The following NME9 variants were observed in gnomAD, a reference collection of about 807,000 sequenced individuals.
NME9 encodes the protein thioredoxin domain-containing protein 6.
A neutral mutation model predicts 44.4 loss-of-function variants in NME9; 48 were observed. The ratio of observed to expected loss-of-function variants is 1.08; its 90% CI spans 0.86 to 1.37. The LOEUF is 1.37. Ranked by LOEUF, NME9 falls within the 40% of genes most tolerant of loss-of-function variation. NME9 has a pLI of 0.00. For missense variants in NME9, 325 were observed against 405.2 expected, an observed-to-expected ratio of 0.80 and a Z score of 1.70; for synonymous variants, 139 against 147.1, an observed-to-expected ratio of 0.94 and a Z score of 0.40.
At chr3:138,272,364 T>C (rs1448451768) in intron 8 of NME9, among the ~76,000 whole-genome samples, 1 of 152,160 alleles carries the variant, frequency 6.6e-6, no homozygotes, top group African/African-American at 2.4e-5. Context: ...CATAAAGATA[T>C]TCTCAAAAGT....
intron 8 of NME9, chr3:138,267,209 A>G: frequency 3.8e-6 from 6 of 1,580,332 alleles, no homozygotes; most frequent in Non-Finnish European, 5.2e-6. Flanking sequence ...CATGCTGTGT[A>G]ATCTTCTTCT....
Position 138,315,512 on chromosome 3 carries a change from G to A in NME9, c.384+15C>T. 6.6e-7 allele frequency: 1 copy of A among 1,516,974 alleles called. No individual in the cohort carries two copies. Among genetic ancestry groups the A allele is most frequent in the Non-Finnish European group, 8.9e-7 (1 of 1,129,480 alleles). The allele number at this position is 1,516,974 out of a possible 1,614,324, so 94.0% of individuals were successfully genotyped here. Reference sequence around the variant, plus strand: ...ACTTGTGAGTTAGCTGCTTATAGAAGTGACCTCCAGTTACCACTTTCCGTT... The same window carrying A: ...ACTTGTGAGTTAGCTGCTTATAGAAATGACCTCCAGTTACCACTTTCCGTT... On this transcript the variant is annotated intron_variant, in intron 5 of 10. Coordinates refer to ENST00000333911, the MANE Select transcript of NME9 (RefSeq NM_001349018.2).
chr3:138,294,287 C>T (rs1343224801), intron 8 of NME9, among the ~76,000 whole-genome samples: 8 of 152,298 alleles, frequency 5.3e-5, no homozygotes, highest in Non-Finnish European at 1.5e-5. Flanking sequence ...GCTAACCAGC[C>T]CTCTCCACCC....
intron 8 of NME9, chr3:138,263,775 A>T: frequency 1.2e-6 from 2 of 1,614,018 alleles, no homozygotes; most frequent in African/African-American, 2.7e-5. Context: ...CCGAATTGTG[A>T]CTGGCTTGTC....
rs987175128 is a variant in NME9 at position 138,262,642 on chromosome 3, A to C, written c.746-56T>G. 6 of 1,497,232 alleles carry C rather than the reference A, an allele frequency of 4.0e-6. No homozygotes were observed. In the African/African-American group the frequency reaches 8.5e-5, roughly 21 times the overall value. 92.7% of individuals were successfully genotyped at this position (1,497,232 alleles called of 1,614,324 possible). ...AGGTGCCTAGCCCTGACCCTGGAGA[A>C]TCTAATTTAATTGGTCTGCTGTATG... On this transcript the variant is annotated intron_variant, in intron 8 of 8. Coordinates refer to the NME9 transcript ENST00000317876.
At chr3:138,292,835 G>A (rs2051098187) in intron 8 of NME9, among the ~76,000 whole-genome samples, 4 of 152,220 alleles carry the variant, frequency 2.6e-5, no homozygotes, top group Admixed American at 2.6e-4. Context: ...AAGATCTAGA[G>A]TCCCTCCAGC....
At chr3:138,312,900 A>G (rs916631338) in intron 6 of NME9, among the ~76,000 whole-genome samples, 20 of 152,236 alleles carry the variant, frequency 1.3e-4, no homozygotes, top group Non-Finnish European at 2.6e-4. Context: ...AGCTCAAACA[A>G]CTTAAAAGCA....
chr3:138,293,087 A>G (rs2051127015), intron 8 of NME9, among the ~76,000 whole-genome samples: 1 of 152,174 alleles, frequency 6.6e-6, no homozygotes, highest in Non-Finnish European at 1.5e-5. Context: ...TAGCATCTGT[A>G]GAACACGTCA....
At chr3:138,308,003 G>A (rs577027508) in intron 6 of NME9, among the ~76,000 whole-genome samples, 1 of 152,180 alleles carries the variant, frequency 6.6e-6, no homozygotes, top group South Asian at 2.1e-4. Flanking sequence ...AGGTGGCCTA[G>A]AGTGTGGACA....
At chr3:138,322,042 A>C (rs921977796) in intron 2 of NME9, among the ~76,000 whole-genome samples, 1 of 151,978 alleles carries the variant, frequency 6.6e-6, no homozygotes, top group African/African-American at 2.4e-5. Context: ...GGCTTTTCTG[A>C]AGACAAGAGT....
In NME9 at chr3:138,301,618, C is replaced by T; in HGVS notation, c.*22G>A. 1 of 1,536,078 alleles carries T rather than the reference C, an allele frequency of 6.5e-7. No homozygotes were observed. The highest frequency in any genetic ancestry group is 1.7e-4 in the Middle Eastern group (1 of 5,990). ...TGCAGTAGACCCCTGGTCACGTGCT[C>T]TGGAAGAGCAGCACAGCCATCTCAA... On this transcript the variant is annotated 3_prime_UTR_variant, in exon 11 of 11. Transcript: ENST00000333911.
At chr3:138,295,793 AC>A in intron 8 of NME9, 2 of 1,565,656 alleles carry the variant, frequency 1.3e-6, no homozygotes, top group Non-Finnish European at 1.8e-6. Flanking sequence ...TCATCATTGA[AC>A]CATAGGGTTT....
rs145695620 is a variant in NME9, at chr3:138,262,362, G to A, written c.*178C>T. 4,615 of 718,448 alleles carry A rather than the reference G, an allele frequency of 6.4e-3. 18 individuals carry two copies. Among genetic ancestry groups the A allele is most frequent in the Non-Finnish European group, 8.8e-3 (3,886 of 443,382 alleles). The allele number at this position is 718,448 out of a possible 1,614,324, so 44.5% of individuals were successfully genotyped here. The stretch of plus-strand genomic sequence containing the variant: ...AAATGTTTTGGAAACTAAAACACCA[G>A]ATAAAAATTACCATTCCTAATCTAC... On this transcript the variant is annotated 3_prime_UTR_variant, in exon 9 of 9. Coordinates refer to the NME9 transcript ENST00000317876.
exon 9 of NME9, chr3:138,262,373 C>T: frequency 2.6e-6 from 2 of 761,518 alleles, no homozygotes; most frequent in Admixed American, 2.5e-5. Flanking sequence ...ATAAAAATTA[C>T]CATTCCTAAT....
chr3:138,295,792 A>G, intron 8 of NME9: 1 of 1,564,056 alleles, frequency 6.4e-7, no homozygotes, highest in Non-Finnish European at 8.8e-7. Flanking sequence ...ATCATCATTG[A>G]ACCATAGGGT....
At chr3:138,268,210 T>C (rs1422356963) in intron 8 of NME9, among the ~76,000 whole-genome samples, 1 of 152,098 alleles carries the variant, frequency 6.6e-6, no homozygotes, top group Non-Finnish European at 1.5e-5. Context: ...GCCACTGCAC[T>C]GCAGCCTGGG....
rs776909928 is a variant in NME9 at position 138,303,548 on chromosome 3, G to A, written c.887C>T (p.Pro296Leu). 2.5e-6 allele frequency: 4 copies of A among 1,613,490 alleles called. No individual in the cohort carries two copies. In the South Asian group the frequency reaches 3.3e-5, roughly 13 times the overall value. Residue 296 changes from proline (P) to leucine (L), a missense_variant, in exon 10 of 11, where the codon CCC becomes CTC. Transcript: ENST00000333911. ...DADRELALLF[P>L]SLKFSDKDTE... ...ATCTTTGTCTGAAAATTTCAAACTG[G>A]GGAAGAGCAATGCCAGTTCTCTGTC...
chr3:138,288,798 C>A (rs530940847), intron 8 of NME9, among the ~76,000 whole-genome samples: 1 of 152,010 alleles, frequency 6.6e-6, no homozygotes, highest in Admixed American at 6.5e-5. Flanking sequence ...CCACTACACC[C>A]GGCAAATTTT....
Position 138,329,691 on chromosome 3 carries a change from G to T in NME9, c.-356C>A. ...CAGCCTGTCGGGCACAGGGTCGCCAGTCGAGGAATTCTGACAAAAAAACGA... is the reference window on the plus strand; with the variant it reads ...CAGCCTGTCGGGCACAGGGTCGCCATTCGAGGAATTCTGACAAAAAAACGA... On this transcript the variant is annotated 5_prime_UTR_variant, in exon 1 of 11. In the 5' UTR this introduces an upstream ATG that the reference lacks. Coordinates refer to ENST00000333911, the MANE Select transcript of NME9 (RefSeq NM_001349018.2). 2 of 1,153,366 alleles carry T rather than the reference G, an allele frequency of 1.7e-6. No individual in the cohort carries two copies. Among genetic ancestry groups the T allele is most frequent in the Non-Finnish European group, 1.1e-6 (1 of 935,652 alleles). The allele number at this position is 1,153,366 out of a possible 1,614,324, so 71.4% of individuals were successfully genotyped here. A position where few individuals can be genotyped will look rare whatever the true frequency, so the allele number is the denominator to read the frequency against.
Sources: allele counts gnomAD v4.1 joint callset (sites outside exome capture counted in the v4.1 genomes callset), GRCh38; gene constraint gnomAD v4.1.1; transcripts MANE v1.5; gene names NCBI Gene and HGNC (gene_info 2026-07-23, HGNC 2026-07-21).